Variants in FAT3 observed in about 807,000 individuals in gnomAD.
The protein encoded by FAT3 is protocadherin Fat 3.
Under a neutral mutation model 310.2 loss-of-function variants are expected in FAT3, and 95 were observed. The ratio of observed to expected loss-of-function variants is 0.31; its 90% CI spans 0.26 to 0.36. The LOEUF is 0.36. FAT3 is among the 10% of genes least tolerant of loss of function. FAT3 has a pLI of 1.00. For missense variants in FAT3, 5,408 were observed against 5,715.6 expected, an observed-to-expected ratio of 0.95 and a Z score of 1.74; for synonymous variants, 2,314 against 2,192.9, an observed-to-expected ratio of 1.06 and a Z score of -1.54.
In FAT3 at chr11:92,624,511, C is replaced by A. The variant is rs567364669; in HGVS notation, c.3608-72873C>A. Among the ~76,000 whole-genome samples, 16 of 152,292 alleles carry A rather than the reference C, an allele frequency of 1.1e-4. 1 individual carries two copies. The highest frequency in any genetic ancestry group is 3.4e-3 in the Middle Eastern group (1 of 294). On this transcript the variant is annotated intron_variant, in intron 3 of 27. Transcript: ENST00000525166. ...ATGGACTTGCAATACAGAAAGACAA[C>A]CTTGGCAAATGTGAGAATTGGCAGG...
At chr11:92,410,327 C>T (rs143569079) in intron 2 of FAT3, among the ~76,000 whole-genome samples, 6 of 151,484 alleles carry the variant, frequency 4.0e-5, no homozygotes, top group East Asian at 1.9e-4. Flanking sequence ...TGTGTGTGCA[C>T]GCGAGTGAGA....
chr11:92,545,271 A>G (rs1235477012), intron 3 of FAT3, among the ~76,000 whole-genome samples: 1 of 152,072 alleles, frequency 6.6e-6, no homozygotes, highest in African/African-American at 2.4e-5. Context: ...TCATTTCTTC[A>G]TGTGCCCCTT....
At chr11:92,688,160 A>T (rs1373175991) in intron 3 of FAT3, among the ~76,000 whole-genome samples, 3 of 152,062 alleles carry the variant, frequency 2.0e-5, no homozygotes, top group African/African-American at 2.4e-5. Context: ...TGATCATGCC[A>T]CTGCACTCAG....
rs569125627 is a variant in FAT3 at position 92,697,295 on chromosome 11, G to C, written c.3608-89G>C. The C allele has an allele frequency of 3.6e-6, 4 of 1,125,430 alleles. No homozygotes were observed. The African/African-American group carries it at 6.1e-5, about 17-fold the overall frequency. The allele number at this position is 1,125,430 out of a possible 1,614,324, so 69.7% of individuals were successfully genotyped here. ...AAAGTTACAGTTCCATACCACTTTTGCTTTTCCTTTAACTGGACTTGTTTC... is the reference window on the plus strand; with the variant it reads ...AAAGTTACAGTTCCATACCACTTTTCCTTTTCCTTTAACTGGACTTGTTTC... On this transcript the variant is annotated intron_variant, in intron 3 of 27. Coordinates refer to ENST00000525166, the MANE Select transcript of FAT3 (RefSeq NM_001367949.2).
At chr11:92,594,430 A>G (rs890066733) in intron 3 of FAT3, among the ~76,000 whole-genome samples, 8 of 152,202 alleles carry the variant, frequency 5.3e-5, no homozygotes, top group Admixed American at 5.2e-4. Flanking sequence ...TGACAGAGTG[A>G]GACTGCATCT....
chr11:92,510,250 C>T (rs1282978446), intron 2 of FAT3, among the ~76,000 whole-genome samples: 1 of 152,122 alleles, frequency 6.6e-6, no homozygotes, highest in African/African-American at 2.4e-5. Context: ...AGCCATGTCT[C>T]GACTTCATTT....
In FAT3 at chr11:92,293,071, AGG is replaced by A. The variant is rs1565206345; in HGVS notation, c.-17-59024_-17-59023del. Among the ~76,000 whole-genome samples, 32 of 144,218 alleles carry A rather than the reference AGG, an allele frequency of 2.2e-4. No individual in the cohort carries two copies. The East Asian group carries it at 4.9e-3, about 22-fold the overall frequency. 94.6% of individuals were successfully genotyped at this position (144,218 alleles called of 152,430 possible). ...AAGGAAGGAAGGAAGGAAGGAAGGA[AGG>A]AAGGAAAGAAGGAAGGAAGGAAGGA... On this transcript the variant is annotated intron_variant, in intron 1 of 27. Transcript: ENST00000525166.
intron 6 of FAT3, among the ~76,000 whole-genome samples, chr11:92,773,465 T>G (rs562824082): frequency 7.7e-4 from 118 of 152,304 alleles, no homozygotes; most frequent in South Asian, 3.5e-3. Context: ...AGTATTTCTA[T>G]AAATATCCCA....
In FAT3 at chr11:92,764,984, G is replaced by T; in HGVS notation, c.4090G>T (p.Glu1364Ter). The T allele has an allele frequency of 6.2e-7, 1 of 1,613,850 alleles. No individual in the cohort carries two copies. The highest frequency in any genetic ancestry group is 8.5e-7 in the Non-Finnish European group (1 of 1,179,844). The change falls in exon 6 of 28, where the codon GAG becomes TAG. Residue 1364 changes from glutamate (E) to a stop codon, truncating the protein, a stop_gained. Transcript: ENST00000525166. LOFTEE classifies it high-confidence loss of function. ...PPSPIPLTFD[E>*]PFYNFTVMES... is the part of the protein sequence containing the mutation. Reference sequence around the variant, plus strand: ...TTCACCTATACCATTGACCTTCGATGAGCCGTTTTATAACTTCACAGTCAT... The same window carrying T: ...TTCACCTATACCATTGACCTTCGATTAGCCGTTTTATAACTTCACAGTCAT...
At chr11:92,412,570 TTA>T (rs1248524120) in intron 2 of FAT3, among the ~76,000 whole-genome samples, 3 of 148,252 alleles carry the variant, frequency 2.0e-5, no homozygotes, top group Admixed American at 6.8e-5. Flanking sequence ...TCCATAACTA[TTA>T]TGATTCCCAC....
At chr11:92,832,666 A>T (rs1211198124) in intron 14 of FAT3, among the ~76,000 whole-genome samples, 1 of 151,922 alleles carries the variant, frequency 6.6e-6, no homozygotes, top group African/African-American at 2.4e-5. Context: ...CAAGAACAAG[A>T]GTTTGTTTGA....
intron 1 of FAT3, among the ~76,000 whole-genome samples, chr11:92,233,809 ATCT>A (rs1191911260): frequency 1.3e-5 from 2 of 152,348 alleles, no homozygotes; most frequent in African/African-American, 4.8e-5. Flanking sequence ...TAATTAGATA[ATCT>A]TCTTTTATTT....
intron 1 of FAT3, among the ~76,000 whole-genome samples, chr11:92,277,473 G>A (rs745446056): frequency 5.9e-5 from 9 of 152,074 alleles, no homozygotes; most frequent in African/African-American, 1.7e-4. Flanking sequence ...GCACATCAGC[G>A]GTGGATTGAA....
At chr11:92,806,307 G>T (rs767670628) in intron 11 of FAT3, 55 bp from the exon 12 acceptor site, 41 of 1,434,930 alleles carry the variant, frequency 2.9e-5, no homozygotes, top group Non-Finnish European at 3.8e-5. Flanking sequence ...GCTAAATATG[G>T]CAATTGCCCC....
At chr11:92,860,900 C>T (rs1949102743) in intron 21 of FAT3, among the ~76,000 whole-genome samples, 1 of 152,206 alleles carries the variant, frequency 6.6e-6, no homozygotes, top group South Asian at 2.1e-4. Context: ...TGTAAGCAGT[C>T]TCCCACTCTC....
intron 17 of FAT3, among the ~76,000 whole-genome samples, chr11:92,838,254 A>G (rs1948455205): frequency 6.6e-6 from 1 of 152,200 alleles, no homozygotes; most frequent in Admixed American, 6.5e-5. Flanking sequence ...CTGGCAGATG[A>G]CAGAGATTGA....
At chr11:92,645,490 G>GAA (rs10655127) in intron 3 of FAT3, among the ~76,000 whole-genome samples, 70,155 of 140,470 alleles carry the variant, frequency 0.5, 17,109 homozygotes, top group African/African-American at 0.54. Flanking sequence ...CTGCTTTTCA[G>GAA]AAAAAAAAAA....
chr11:92,339,704 G>A (rs1210056267), intron 1 of FAT3, among the ~76,000 whole-genome samples: 1 of 152,134 alleles, frequency 6.6e-6, no homozygotes, highest in African/African-American at 2.4e-5. Context: ...AATCAGGGCA[G>A]GGGAAGCCAG....
chr11:92,586,822 G>A (rs1279985900), intron 3 of FAT3, among the ~76,000 whole-genome samples: 1 of 151,848 alleles, frequency 6.6e-6, no homozygotes, highest in Non-Finnish European at 1.5e-5. Context: ...TTTAAGAAAT[G>A]GGCTGTATTT....
Sources: allele counts gnomAD v4.1 joint callset (sites outside exome capture counted in the v4.1 genomes callset), GRCh38; gene constraint gnomAD v4.1.1; transcripts MANE v1.5; gene names NCBI Gene and HGNC (gene_info 2026-07-23, HGNC 2026-07-21).